Variants in CTNNA3 observed in about 807,000 individuals in gnomAD.
CTNNA3 encodes the protein catenin alpha 3, also known as catenin alpha-3.
In CTNNA3, 76 loss-of-function variants were observed where a neutral mutation model predicts 95.7. That is an observed-to-expected ratio of 0.79 (90% CI 0.66 to 0.96). The LOEUF (loss-of-function observed/expected upper bound fraction) is 0.96. Ranked by LOEUF, CTNNA3 falls within the 40% of genes least tolerant of loss-of-function variation. CTNNA3 has a pLI of 0.00. For missense variants in CTNNA3, 1,191 were observed against 1,089.8 expected, an observed-to-expected ratio of 1.09 and a Z score of -1.31; for synonymous variants, 431 against 374.4, an observed-to-expected ratio of 1.15 and a Z score of -1.74.
chr10:66,995,977 T>C (rs761428688), intron 7 of CTNNA3, among the ~76,000 whole-genome samples: 59 of 152,346 alleles, frequency 3.9e-4, no homozygotes, highest in Non-Finnish European at 6.5e-4. Context: ...TAAATTATTT[T>C]CACATTACCT....
At chr10:67,047,588 G>A (rs904784378) in intron 7 of CTNNA3, among the ~76,000 whole-genome samples, 3 of 152,036 alleles carry the variant, frequency 2.0e-5, no homozygotes, top group Non-Finnish European at 2.9e-5. Flanking sequence ...TACCTTCATC[G>A]TTTCAGGCTC....
intron 13 of CTNNA3, among the ~76,000 whole-genome samples, chr10:66,267,623 A>G (rs954280628): frequency 2.0e-5 from 3 of 152,146 alleles, no homozygotes; most frequent in African/African-American, 7.2e-5. Flanking sequence ...AAAGATAGAA[A>G]ATACTCAGCC....
At chr10:67,345,608 C>T (rs1842381762) in intron 5 of CTNNA3, among the ~76,000 whole-genome samples, 1 of 151,920 alleles carries the variant, frequency 6.6e-6, no homozygotes, top group Non-Finnish European at 1.5e-5. Flanking sequence ...ATTGTTTTCG[C>T]CTTGAAATCT....
At chr10:66,122,861 A>G (rs1236828093) in intron 13 of CTNNA3, among the ~76,000 whole-genome samples, 3 of 152,188 alleles carry the variant, frequency 2.0e-5, no homozygotes, top group Non-Finnish European at 4.4e-5. Context: ...CTCATTTACT[A>G]TCATGAGAAC....
intron 1 of CTNNA3, among the ~76,000 whole-genome samples, chr10:67,695,775 CT>C (rs1250445084): frequency 6.6e-6 from 1 of 152,144 alleles, no homozygotes; most frequent in East Asian, 1.9e-4. Context: ...CCAGCTTCCC[CT>C]GGCAATAGTT....
At chr10:67,233,771 T>C (rs1412184847) in intron 5 of CTNNA3, among the ~76,000 whole-genome samples, 1 of 150,806 alleles carries the variant, frequency 6.6e-6, no homozygotes, top group Admixed American at 6.6e-5. Flanking sequence ...CTAGCAAGAC[T>C]AATAAAGAAA....
At chr10:66,334,839 T>A (rs2092376122) in intron 12 of CTNNA3, among the ~76,000 whole-genome samples, 1 of 152,116 alleles carries the variant, frequency 6.6e-6, no homozygotes, top group South Asian at 2.1e-4. Context: ...CCAACTTGGT[T>A]CCATTCTCCC....
intron 1 of CTNNA3, among the ~76,000 whole-genome samples, chr10:67,744,413 T>A (rs1304254504): frequency 6.6e-6 from 1 of 151,364 alleles, no homozygotes. Flanking sequence ...AAGGATTCCC[T>A]ATTTAATAAA....
rs79431162 is a variant in CTNNA3, at chr10:67,460,618, T to C, written c.579+61224A>G. On this transcript the variant is annotated intron_variant, in intron 5 of 17. Transcript: ENST00000433211. ...TTTTATTACTTTTCTATGATAGTAA[T>C]CTGTTTTAAGATTTTCTTTACATTT... Among the ~76,000 whole-genome samples the C allele has an allele frequency of 6.4e-3, 978 of 152,302 alleles. 13 individuals are homozygous for C. Among genetic ancestry groups the C allele is most frequent in the African/African-American group, 0.022 (909 of 41,574 alleles).
At chr10:66,452,926 G>C (rs931330086) in intron 11 of CTNNA3, among the ~76,000 whole-genome samples, 1 of 151,926 alleles carries the variant, frequency 6.6e-6, no homozygotes. Flanking sequence ...TTAAAAATCC[G>C]AGCCTCTGGC....
intron 16 of CTNNA3, among the ~76,000 whole-genome samples, chr10:65,978,148 T>A (rs1222845385): frequency 6.6e-6 from 1 of 152,086 alleles, no homozygotes; most frequent in East Asian, 1.9e-4. Context: ...TCCTTTTTTG[T>A]TTATGAATAT....
intron 5 of CTNNA3, among the ~76,000 whole-genome samples, chr10:67,476,373 A>G (rs897508625): frequency 2.0e-5 from 3 of 151,866 alleles, no homozygotes; most frequent in African/African-American, 7.3e-5. Flanking sequence ...CTGCTGGTTC[A>G]GCAGCCAGAG....
intron 5 of CTNNA3, among the ~76,000 whole-genome samples, chr10:67,344,534 G>C (rs1221148845): frequency 6.6e-6 from 1 of 152,014 alleles, no homozygotes; most frequent in East Asian, 1.9e-4. Context: ...ACTTGGTATT[G>C]ATCTGTTCAG....
chr10:66,732,320 T>G (rs954824257), intron 9 of CTNNA3, among the ~76,000 whole-genome samples: 1 of 152,222 alleles, frequency 6.6e-6, no homozygotes, highest in Non-Finnish European at 1.5e-5. Flanking sequence ...AAGATAGTTT[T>G]AGCCAAGGAG....
intron 11 of CTNNA3, among the ~76,000 whole-genome samples, chr10:66,505,633 A>G (rs1205814622): frequency 2.0e-5 from 3 of 152,264 alleles, no homozygotes; most frequent in South Asian, 2.1e-4. Flanking sequence ...GGATGCAGTT[A>G]TCAAACTGGT....
intron 7 of CTNNA3, among the ~76,000 whole-genome samples, chr10:66,962,207 C>T (rs564290112): frequency 8.5e-5 from 13 of 152,226 alleles, no homozygotes; most frequent in African/African-American, 3.1e-4. Flanking sequence ...AAAGTAATTA[C>T]AATGCCTCAA....
chr10:66,691,273 G>T (rs1847524725), intron 9 of CTNNA3, among the ~76,000 whole-genome samples: 1 of 152,184 alleles, frequency 6.6e-6, no homozygotes, highest in Non-Finnish European at 1.5e-5. Flanking sequence ...GCGCTTTTCT[G>T]ATGGGCTTAA....
chr10:67,643,242 G>A (rs983064066), intron 2 of CTNNA3, among the ~76,000 whole-genome samples: 2 of 152,108 alleles, frequency 1.3e-5, no homozygotes, highest in Non-Finnish European at 2.9e-5. Flanking sequence ...AACACCACAT[G>A]TTCTCACTTA....
intron 11 of CTNNA3, among the ~76,000 whole-genome samples, chr10:66,485,929 T>G (rs1344467439): frequency 6.6e-6 from 1 of 152,094 alleles, no homozygotes; most frequent in Non-Finnish European, 1.5e-5. Context: ...ACCCATGCAT[T>G]TACAGTCAAT....
Sources: gnomAD v4.1 joint callset for allele counts (sites outside exome capture counted in the v4.1 genomes callset) on GRCh38, gnomAD v4.1.1 for gene constraint, MANE v1.5 for transcripts, NCBI Gene and HGNC (gene_info 2026-07-23, HGNC 2026-07-21) for gene names.